UST: variants seen among roughly 807,000 people sequenced by gnomAD.
UST encodes uronyl 2-sulfotransferase.
In UST, 21 loss-of-function variants were observed where a neutral mutation model predicts 45.6. The observed-to-expected ratio is 0.46, with a 90% CI of 0.33 to 0.66. UST has a LOEUF of 0.66. Ranked by LOEUF, UST falls within the 30% of genes least tolerant of loss-of-function variation. The pLI is 0.02. For synonymous variants in UST, 215 were observed against 200.6 expected, an observed-to-expected ratio of 1.07 and a Z score of -0.61; for missense variants, 463 against 512.4, an observed-to-expected ratio of 0.90 and a Z score of 0.93.
At position 148,880,095 on chromosome 6, in the gene UST, C is replaced by T. The variant is rs181254985; in HGVS notation, c.248-6891C>T. On this transcript the variant is annotated intron_variant, in intron 1 of 7. Coordinates refer to ENST00000367463, the MANE Select transcript of UST (RefSeq NM_005715.3). ...TCAGCTGCCTGAGTAGCTGGGATTACAGGTACCCACCACCAGGCTCAGCTA... is the reference window on the plus strand; with the variant it reads ...TCAGCTGCCTGAGTAGCTGGGATTATAGGTACCCACCACCAGGCTCAGCTA... Among the ~76,000 whole-genome samples the T allele has an allele frequency of 5.4e-3, 815 of 152,108 alleles. 4 individuals carry two copies. The highest frequency in any genetic ancestry group is 7.6e-3 in the Admixed American group (116 of 15,278).
chr6:149,040,837 C>G (rs1344984647), intron 7 of UST, among the ~76,000 whole-genome samples: 1 of 152,136 alleles, frequency 6.6e-6, no homozygotes, highest in Non-Finnish European at 1.5e-5. Context: ...CCCAAGGCCT[C>G]TCCTTACTGG....
intron 1 of UST, among the ~76,000 whole-genome samples, chr6:148,813,472 C>T (rs1231372246): frequency 1.3e-5 from 2 of 151,936 alleles, no homozygotes; most frequent in East Asian, 3.9e-4. Flanking sequence ...ACCTCCACCT[C>T]CCGGGTTCAA....
chr6:149,039,759 G>C (rs568365959), intron 7 of UST, among the ~76,000 whole-genome samples: 1 of 152,326 alleles, frequency 6.6e-6, no homozygotes, highest in East Asian at 1.9e-4. Flanking sequence ...CTGTCGCTGT[G>C]GCCCCTTAAG....
intron 5 of UST, 128 bp downstream of exon 5, chr6:148,964,691 G>A: frequency 1.6e-6 from 2 of 1,245,648 alleles, no homozygotes; most frequent in East Asian, 2.5e-5. Flanking sequence ...GCGCAGAGAG[G>A]GTGCTTCCGC....
At chr6:148,949,533 A>G (rs1034011916) in intron 3 of UST, among the ~76,000 whole-genome samples, 2 of 152,114 alleles carry the variant, frequency 1.3e-5, no homozygotes, top group African/African-American at 2.4e-5. Flanking sequence ...TGATGGTGTT[A>G]TGTCCTGGAT....
At chr6:148,768,287 T>C (rs1239034767) in intron 1 of UST, among the ~76,000 whole-genome samples, 1 of 152,204 alleles carries the variant, frequency 6.6e-6, no homozygotes, top group Admixed American at 6.5e-5. Flanking sequence ...CTTTTGGGAA[T>C]TGCAGTTTTA....
intron 1 of UST, among the ~76,000 whole-genome samples, chr6:148,878,712 G>A (rs80237663): frequency 5.3e-4 from 31 of 58,234 alleles, no homozygotes; most frequent in Admixed American, 6.5e-4. Flanking sequence ...TGCGGAGGTC[G>A]TGTATGAGTG....
chr6:149,047,050 T>TA (rs1776406821), intron 7 of UST, among the ~76,000 whole-genome samples: 1 of 152,176 alleles, frequency 6.6e-6, no homozygotes, highest in Admixed American at 6.5e-5. Context: ...AGTCACTAGT[T>TA]AGAGTTGTTT....
intron 1 of UST, among the ~76,000 whole-genome samples, chr6:148,875,540 C>T (rs954705866): frequency 2.0e-5 from 3 of 152,182 alleles, no homozygotes; most frequent in Admixed American, 6.5e-5. Flanking sequence ...CGGTGGCTCA[C>T]GCCTGTAATC....
chr6:148,922,980 A>G (rs1363897674), intron 2 of UST, among the ~76,000 whole-genome samples: 3 of 151,894 alleles, frequency 2.0e-5, no homozygotes, highest in Non-Finnish European at 2.9e-5. Flanking sequence ...TTTAGTAGAG[A>G]TGGAGTTTCA....
Position 148,971,665 on chromosome 6 carries a change from G to C in UST, c.681+7102G>C, listed in dbSNP as rs577532647. On this transcript the variant is annotated intron_variant, in intron 5 of 7. Transcript: ENST00000367463. ...GGAACACAGCACGGAGGAAGAACCA[G>C]GGAAGCTGCAGCAGGGCGAGCTGAG... 3.3e-5 allele frequency among the ~76,000 whole-genome samples: 5 copies of C among 152,296 alleles called. No individual in the cohort carries two copies. The South Asian group carries it at 1.0e-3, about 32-fold the overall frequency.
At chr6:148,770,327 A>G (rs541925481) in intron 1 of UST, among the ~76,000 whole-genome samples, 5 of 150,330 alleles carry the variant, frequency 3.3e-5, no homozygotes, top group African/African-American at 1.2e-4. Flanking sequence ...AAGATGTGGG[A>G]AAAGGGCATT....
intron 5 of UST, among the ~76,000 whole-genome samples, chr6:149,010,086 A>G (rs1775780875): frequency 6.6e-6 from 1 of 151,872 alleles, no homozygotes; most frequent in African/African-American, 2.4e-5. Flanking sequence ...TCAGATAAGC[A>G]TTTTTCCTAT....
intron 1 of UST, among the ~76,000 whole-genome samples, chr6:148,846,503 C>T (rs376988921): frequency 2.0e-4 from 31 of 151,682 alleles, no homozygotes; most frequent in East Asian, 1.9e-4. Context: ...TGCTAAATGA[C>T]GAGTTAATGG....
chr6:148,963,474 CT>C (rs199588267), intron 4 of UST, among the ~76,000 whole-genome samples: 3,716 of 152,316 alleles, frequency 0.024, 115 homozygotes, highest in African/African-American at 0.075. Flanking sequence ...TCTCATCACT[CT>C]GCTTCGGGAA....
chr6:148,873,984 G>A (rs1778604862), intron 1 of UST, among the ~76,000 whole-genome samples: 1 of 152,252 alleles, frequency 6.6e-6, no homozygotes, highest in South Asian at 2.1e-4. Context: ...GCAGCCACAT[G>A]ACATCTAGGT....
intron 2 of UST, among the ~76,000 whole-genome samples, chr6:148,905,022 C>A (rs139167812): frequency 6.6e-6 from 1 of 152,204 alleles, no homozygotes; most frequent in Non-Finnish European, 1.5e-5. Context: ...CTCATCCTGG[C>A]AAAGCCAAGT....
intron 2 of UST, among the ~76,000 whole-genome samples, chr6:148,936,008 G>A (rs986836704): frequency 6.6e-6 from 1 of 152,102 alleles, no homozygotes; most frequent in Admixed American, 6.5e-5. Flanking sequence ...AAAGGAAAGA[G>A]GATCTCTGTC....
At chr6:149,055,277 C>T (rs1274920565) in intron 7 of UST, among the ~76,000 whole-genome samples, 1 of 152,150 alleles carries the variant, frequency 6.6e-6, no homozygotes, top group African/African-American at 2.4e-5. Flanking sequence ...TAACCAGTTA[C>T]TATTATTATA....
Sources: allele counts gnomAD v4.1 joint callset (sites outside exome capture counted in the v4.1 genomes callset), GRCh38; gene constraint gnomAD v4.1.1; transcripts MANE v1.5; gene names NCBI Gene and HGNC (gene_info 2026-07-23, HGNC 2026-07-21).